EGFLAM: variants seen among roughly 807,000 people sequenced by gnomAD.
EGFLAM encodes the protein pikachurin.
In EGFLAM, 79 loss-of-function variants were observed where a neutral mutation model predicts 113.1. The observed-to-expected ratio is 0.70, with a 90% CI of 0.58 to 0.84. The LOEUF (loss-of-function observed/expected upper bound fraction) is 0.84, where lower values mean the gene tolerates loss of function less well. EGFLAM is among the 40% of genes least tolerant of loss of function. The probability of loss-of-function intolerance (pLI) is 0.00; values close to 1 mark genes in which losing one functional copy is unlikely to be tolerated. For synonymous variants in EGFLAM, 504 were observed against 487.6 expected (o/e 1.03, Z -0.44); for missense variants, 1,265 against 1,291.6 (o/e 0.98, Z 0.32).
intron 17 of EGFLAM, among the ~76,000 whole-genome samples, chr5:38,446,180 G>GCCGGCTGCC (rs1212652935): frequency 1.3e-5 from 2 of 152,114 alleles, no homozygotes; most frequent in African/African-American, 4.8e-5. Flanking sequence ...GAAACGAGGG[G>GCCGGCTGCC]CCGGCTGCCC....
rs184997351 is a variant in EGFLAM at position 38,444,155 on chromosome 5, C to T, written c.2465-4146C>T. 1.5e-3 allele frequency among the ~76,000 whole-genome samples: 234 copies of T among 152,266 alleles called. 2 individuals are homozygous for T. Among genetic ancestry groups the T allele is most frequent in the African/African-American group, 5.4e-3 (225 of 41,562 alleles). On this transcript the variant is annotated intron_variant, in intron 17 of 21. Transcript: ENST00000322350. ...GACTGCAGGGCTTCTGGCTTGGAGG[C>T]TGCTGTCCACTGGGGTGTTTTTCTG...
At chr5:38,370,490 C>T in intron 6 of EGFLAM, 28 bp downstream of exon 6, 1 of 1,605,102 alleles carries the variant, frequency 6.2e-7, no homozygotes, top group Non-Finnish European at 8.5e-7. Flanking sequence ...TCTGAGGGAC[C>T]AAGGGAGCTG....
In EGFLAM at chr5:38,451,706, T is replaced by C. The variant is rs1384619803; in HGVS notation, c.2687+248T>C. 3 of 487,498 alleles carry C rather than the reference T, an allele frequency of 6.2e-6. No individual in the cohort carries two copies. The East Asian group carries it at 1.1e-4, about 17-fold the overall frequency. 30.2% of individuals were successfully genotyped at this position (487,498 alleles called of 1,614,324 possible). The stretch of plus-strand genomic sequence containing the variant: ...CTCTTTTTTGTAAATAAAGTCTTGC[T>C]GGGGCCGGGCACAGTGGCTCACGCC... On this transcript the variant is annotated intron_variant, in intron 19 of 21. Transcript: ENST00000322350.
At chr5:38,359,198 A>T (rs190357824) in intron 5 of EGFLAM, among the ~76,000 whole-genome samples, 48 of 152,336 alleles carry the variant, frequency 3.2e-4, no homozygotes, top group African/African-American at 1.1e-3. Context: ...TGAAGTTCCA[A>T]TCGGGGTGCC....
chr5:38,447,690 A>T (rs541102262), intron 17 of EGFLAM, among the ~76,000 whole-genome samples: 110 of 151,758 alleles, frequency 7.2e-4, no homozygotes, highest in Non-Finnish European at 1.2e-3. Context: ...CAGGAGGTGG[A>T]AGTTGCAGTG....
Position 38,350,667 on chromosome 5 carries a change from A to C in EGFLAM, c.409+49A>C, listed in dbSNP as rs182176656. On this transcript the variant is annotated intron_variant, in intron 4 of 21. Transcript: ENST00000322350. The stretch of plus-strand genomic sequence containing the variant: ...ATAGGTGGCAGGCTGCTATCCATGC[A>C]TCCTTCATTCAGCAAATATCAATAG... 7.1e-6 allele frequency: 11 copies of C among 1,543,942 alleles called. No homozygotes were observed. The African/African-American group carries it at 1.5e-4, about 21-fold the overall frequency.
chr5:38,269,402 C>T (rs895466011), intron 1 of EGFLAM, among the ~76,000 whole-genome samples: 6 of 152,048 alleles, frequency 3.9e-5, no homozygotes, highest in South Asian at 2.1e-4. Flanking sequence ...TTTTTTTAGA[C>T]ACCACAGCCT....
chr5:38,463,017 T>G lies in EGFLAM; in HGVS notation c.2875+6T>G. On this transcript the variant is annotated splice_donor_region_variant and intron_variant, in intron 21 of 21. Transcript: ENST00000322350. ...CAATGGAGCTCTGTATGTGGGTAAG[T>G]GACCGACCCTCGACCAAAGCAAAAT... 6.2e-7 allele frequency: 1 copy of G among 1,611,524 alleles called. No homozygotes were observed. Among genetic ancestry groups the G allele is most frequent in the Non-Finnish European group, 8.5e-7 (1 of 1,178,162 alleles).
At chr5:38,407,169 G>T in intron 8 of EGFLAM, 23 bp downstream of exon 8, 1 of 1,573,930 alleles carries the variant, frequency 6.4e-7, no homozygotes, top group Non-Finnish European at 8.5e-7. Flanking sequence ...GGGAGAGGAA[G>T]AAGTGGTGAT....
At chr5:38,378,474 G>A (rs1019678445) in intron 6 of EGFLAM, among the ~76,000 whole-genome samples, 1 of 152,164 alleles carries the variant, frequency 6.6e-6, no homozygotes, top group African/African-American at 2.4e-5. Flanking sequence ...CCCTGAATAG[G>A]CTGCAGCAGT....
intron 1 of EGFLAM, among the ~76,000 whole-genome samples, chr5:38,307,274 C>T (rs1379204691): frequency 2.0e-5 from 3 of 151,912 alleles, no homozygotes; most frequent in Admixed American, 1.3e-4. Context: ...ATTCTGTGTC[C>T]CCACCCAAAT....
Position 38,451,273 on chromosome 5 carries a change from T to C in EGFLAM, c.2544-42T>C, listed in dbSNP as rs746585762. On this transcript the variant is annotated intron_variant, in intron 18 of 21. Coordinates refer to ENST00000322350, the MANE Select transcript of EGFLAM (RefSeq NM_152403.4). ...AACTGGAATTACTCGGAAACAGATG[T>C]TGGTGGTTGATTTGGTGGACTTATT... is the stretch of plus-strand genomic sequence containing the variant. The C allele has an allele frequency of 3.0e-5, 48 of 1,597,998 alleles. 1 individual carries two copies. Among genetic ancestry groups the C allele is most frequent in the South Asian group, 2.2e-4 (20 of 89,660 alleles).
chr5:38,372,204 G>A (rs922646524), intron 6 of EGFLAM, among the ~76,000 whole-genome samples: 1 of 151,466 alleles, frequency 6.6e-6, no homozygotes, highest in South Asian at 2.1e-4. Context: ...GTGCAATGGC[G>A]CGATCTCGGC....
chr5:38,273,339 A>C (rs753032210), intron 1 of EGFLAM, among the ~76,000 whole-genome samples: 1 of 152,218 alleles, frequency 6.6e-6, no homozygotes, highest in Non-Finnish European at 1.5e-5. Flanking sequence ...CCTACACCAG[A>C]TGGGAACACA....
At chr5:38,268,472 G>A (rs1281032805) in intron 1 of EGFLAM, among the ~76,000 whole-genome samples, 2 of 152,154 alleles carry the variant, frequency 1.3e-5, no homozygotes. Flanking sequence ...TACGGTTTCT[G>A]GGAAATGTCG....
intron 3 of EGFLAM, among the ~76,000 whole-genome samples, chr5:38,343,029 C>A (rs752800393): frequency 6.6e-6 from 1 of 152,112 alleles, no homozygotes; most frequent in Non-Finnish European, 1.5e-5. Flanking sequence ...AATCAGAAGA[C>A]GTGTTCCTGC....
At chr5:38,359,951 T>C (rs921519873) in intron 5 of EGFLAM, among the ~76,000 whole-genome samples, 1 of 152,202 alleles carries the variant, frequency 6.6e-6, no homozygotes, top group African/African-American at 2.4e-5. Flanking sequence ...CTGCAGTACC[T>C]ACATATTGGT....
At chr5:38,412,231 A>G (rs1256314827) in intron 10 of EGFLAM, among the ~76,000 whole-genome samples, 1 of 152,114 alleles carries the variant, frequency 6.6e-6, no homozygotes, top group African/African-American at 2.4e-5. Flanking sequence ...AATGCCCATG[A>G]TTTTCTAAGT....
At chr5:38,367,456 G>T (rs1740092345) in intron 5 of EGFLAM, among the ~76,000 whole-genome samples, 1 of 151,292 alleles carries the variant, frequency 6.6e-6, no homozygotes. Context: ...TCACTATGTT[G>T]CCCAGGCTGG....
Sources: gnomAD v4.1 joint callset for allele counts (sites outside exome capture counted in the v4.1 genomes callset) on GRCh38, gnomAD v4.1.1 for gene constraint, MANE v1.5 for transcripts, NCBI Gene and HGNC (gene_info 2026-07-23, HGNC 2026-07-21) for gene names.